The following RLF variants were observed in gnomAD, a reference collection of about 807,000 sequenced individuals.
RLF encodes the protein zinc finger protein Rlf.
RLF carries 7 observed loss-of-function variants against 162.9 expected under a neutral mutation model. The ratio of observed to expected loss-of-function variants is 0.04; its 90% CI spans 0.02 to 0.08. The LOEUF is 0.08. Ranked by LOEUF, RLF falls within the 10% of genes least tolerant of loss-of-function variation. The pLI, the probability that RLF is intolerant of heterozygous loss-of-function variation, is 1.00. For synonymous variants in RLF, 782 were observed against 791.5 expected (o/e 0.99, Z 0.20); for missense variants, 1,664 against 2,244.7 (o/e 0.74, Z 5.23).
Position 40,203,778 on chromosome 1 carries a change from A to T in RLF, c.810+1164A>T, listed in dbSNP as rs1031213793. Reference sequence around the variant, plus strand: ...ACTGAAATTTTTTATTAGATGTAGTAGTCCCAAGGATCTGGTTTTATGCTG... The same window carrying T: ...ACTGAAATTTTTTATTAGATGTAGTTGTCCCAAGGATCTGGTTTTATGCTG... On this transcript the variant is annotated intron_variant, in intron 5 of 7. Transcript: ENST00000372771. Among the ~76,000 whole-genome samples the T allele has an allele frequency of 5.3e-5, 8 of 152,132 alleles. No individual in the cohort carries two copies. In the East Asian group the frequency reaches 1.5e-3, roughly 29 times the overall value.
intron 1 of RLF, among the ~76,000 whole-genome samples, chr1:40,182,947 C>T (rs1642426845): frequency 6.6e-6 from 1 of 152,008 alleles, no homozygotes; most frequent in Admixed American, 6.5e-5. Context: ...GCCAGCTGTT[C>T]TCTCCCCATT....
intron 7 of RLF, among the ~76,000 whole-genome samples, chr1:40,234,618 A>G (rs1174694204): frequency 6.6e-6 from 1 of 152,230 alleles, no homozygotes; most frequent in Non-Finnish European, 1.5e-5. Flanking sequence ...CATTACTGTT[A>G]TCATTTTACC....
chr1:40,162,570 G>A (rs1208851998), intron 1 of RLF, among the ~76,000 whole-genome samples: 1 of 152,168 alleles, frequency 6.6e-6, no homozygotes, highest in Non-Finnish European at 1.5e-5. Context: ...TTGGTACTTG[G>A]AGTCTAATAA....
At chr1:40,176,662 C>T (rs1361083892) in intron 1 of RLF, among the ~76,000 whole-genome samples, 1 of 152,072 alleles carries the variant, frequency 6.6e-6, no homozygotes. Context: ...AGATTGGTCT[C>T]AAACTTTTGG....
At position 40,236,558 on chromosome 1, in the gene RLF, T is replaced by C. The variant is rs566271220; in HGVS notation, c.1856T>C (p.Leu619Ser). 1.2e-6 allele frequency: 2 copies of C among 1,614,052 alleles called. No homozygotes were observed. The highest frequency in any genetic ancestry group is 3.3e-5 in the Admixed American group (2 of 59,996). The change falls in exon 8 of 8, where the codon TTA (leucine) becomes TCA (serine). Residue 619 changes from leucine (L) to serine (S), a missense_variant. Leu to Ser is a moderately radical substitution (Grantham distance 145, BLOSUM62 -2). Coordinates refer to ENST00000372771, the MANE Select transcript of RLF (RefSeq NM_012421.4). The surrounding 1 kb of genome is among the most constrained non-coding windows in gnomAD (Gnocchi z 7.7). ...AGAAGGGACCGCTCTAAAAAGAAAT[T>C]ACTGTTAAAAGGCTCTCAAAAGGGT... ...PSRRDRSKKKLLLKGSQKGIC... is the reference protein window; with the variant it reads ...PSRRDRSKKKSLLKGSQKGIC...
intron 4 of RLF, among the ~76,000 whole-genome samples, chr1:40,197,232 A>T (rs527660357): frequency 4.6e-5 from 7 of 152,344 alleles, no homozygotes; most frequent in African/African-American, 1.7e-4. Flanking sequence ...CTGACAAGAA[A>T]AAAAAAGAAT....
intron 6 of RLF, among the ~76,000 whole-genome samples, chr1:40,230,790 G>A (rs1038640162): frequency 6.6e-6 from 1 of 152,090 alleles, no homozygotes; most frequent in Non-Finnish European, 1.5e-5. Context: ...TTCACTATTA[G>A]CTTTCCTTGC....
intron 6 of RLF, among the ~76,000 whole-genome samples, chr1:40,227,085 G>C (rs113599806): frequency 0.043 from 6,534 of 152,190 alleles, 201 homozygotes; most frequent in South Asian, 0.12. Flanking sequence ...GGCTGGTCTC[G>C]AGCTCCTGAC....
chr1:40,195,146 T>A (rs2124538273), intron 3 of RLF, among the ~76,000 whole-genome samples: 1 of 151,630 alleles, frequency 6.6e-6, no homozygotes, highest in Admixed American at 6.6e-5. Context: ...CATCCTAGTT[T>A]TTTTCTAAAA....
chr1:40,195,113 G>A (rs1642615919), intron 3 of RLF, among the ~76,000 whole-genome samples: 1 of 151,640 alleles, frequency 6.6e-6, no homozygotes, highest in Non-Finnish European at 1.5e-5. Flanking sequence ...GAGATCACAG[G>A]CATGAGCCAC....
intron 6 of RLF, 93 bp from the exon 7 acceptor site, chr1:40,231,424 A>G: frequency 9.4e-7 from 1 of 1,061,546 alleles, no homozygotes; most frequent in Non-Finnish European, 1.4e-6. Context: ...CTCTACTGTC[A>G]GCTTTCTACA....
intron 4 of RLF, 22 bp downstream of exon 4, chr1:40,195,786 G>A (rs1017941198): frequency 6.3e-7 from 1 of 1,598,680 alleles, no homozygotes; most frequent in African/African-American, 1.3e-5. Flanking sequence ...GACTATATTG[G>A]ATGAGGATTT....
At chr1:40,175,713 G>A (rs186035900) in intron 1 of RLF, among the ~76,000 whole-genome samples, 272 of 150,446 alleles carry the variant, frequency 1.8e-3, no homozygotes, top group African/African-American at 6.1e-3. Context: ...TTGAACCCGG[G>A]AAGTGGAGGT....
intron 1 of RLF, among the ~76,000 whole-genome samples, chr1:40,185,843 C>CAAAAAAAAAAAAAA (rs33982008): frequency 3.0e-5 from 2 of 67,526 alleles, no homozygotes; most frequent in Admixed American, 4.7e-4. Context: ...AAAAAAAAAG[C>CAAAAAAAAAAAAAA]AAAAAAAAAA....
chr1:40,180,403 C>T (rs571599398), intron 1 of RLF, among the ~76,000 whole-genome samples: 5 of 152,106 alleles, frequency 3.3e-5, no homozygotes, highest in Admixed American at 2.6e-4. Context: ...GGATTATAGG[C>T]GCCCGCCACC....
In RLF at chr1:40,236,267, A is replaced by G. The variant is rs1213064674; in HGVS notation, c.1565A>G (p.Gln522Arg). 1.2e-6 allele frequency: 2 copies of G among 1,613,970 alleles called. No homozygotes were observed. Among genetic ancestry groups the G allele is most frequent in the Admixed American group, 3.3e-5 (2 of 60,026 alleles). Reference protein sequence around the residue: ...SDYDEGKEDKQYRRRDLTDQH... With the variant: ...SDYDEGKEDKRYRRRDLTDQH... ...TATGATGAGGGTAAAGAAGATAAAC[A>G]ATATAGAAGAAGAGATTTGACAGAT... The change falls in exon 8 of 8, where the codon CAA (glutamine) becomes CGA (arginine). Residue 522 changes from glutamine to arginine, a missense_variant. Physicochemically the swap from Gln to Arg is conservative, Grantham distance 43. Transcript: ENST00000372771. This position sits in a 1 kb window ranked among gnomAD's most constrained non-coding sequence, Gnocchi z 7.7.
At chr1:40,165,454 G>A (rs1473359741) in intron 1 of RLF, among the ~76,000 whole-genome samples, 1 of 152,124 alleles carries the variant, frequency 6.6e-6, no homozygotes, top group African/African-American at 2.4e-5. Context: ...CCCTTTCATT[G>A]TGTGGTTCTC....
intron 1 of RLF, among the ~76,000 whole-genome samples, chr1:40,180,291 C>CT (rs1642388748): frequency 6.6e-6 from 1 of 152,088 alleles, no homozygotes. Flanking sequence ...CAGGGTCTTG[C>CT]TTTGTCACCC....
intron 4 of RLF, among the ~76,000 whole-genome samples, chr1:40,199,056 T>C (rs1489064832): frequency 1.3e-5 from 2 of 152,224 alleles, no homozygotes; most frequent in African/African-American, 4.8e-5. Context: ...CTGCTATGTG[T>C]TGGGCACTGT....
Sources: allele counts gnomAD v4.1 joint callset (sites outside exome capture counted in the v4.1 genomes callset), GRCh38; gene constraint gnomAD v4.1.1; non-coding constraint Gnocchi (gnomAD v3.1); transcripts MANE v1.5; gene names NCBI Gene and HGNC (gene_info 2026-07-23, HGNC 2026-07-21).